The following DOCK9 variants were observed in gnomAD, a reference collection of about 807,000 sequenced individuals.
DOCK9 encodes dedicator of cytokinesis protein 9.
Under a neutral mutation model 263.3 loss-of-function variants are expected in DOCK9, and 89 were observed. The observed-to-expected ratio is 0.34, with a 90% CI of 0.28 to 0.40. The LOEUF is 0.40. DOCK9 is among the 10% of genes least tolerant of loss of function. The pLI is 1.00. For synonymous variants in DOCK9, 976 were observed against 973.1 expected (o/e 1.00, Z -0.06); for missense variants, 2,140 against 2,603.4 (o/e 0.82, Z 3.87).
At chr13:98,983,262 A>G (rs1877646069) in intron 1 of DOCK9, among the ~76,000 whole-genome samples, 1 of 152,236 alleles carries the variant, frequency 6.6e-6, no homozygotes, top group African/African-American at 2.4e-5. Context: ...AATGCAAAAG[A>G]AAACAAATGA....
rs186973861 is a variant in DOCK9 at position 98,921,917 on chromosome 13, G to A, written c.582+134C>T. 15 of 775,846 alleles carry A rather than the reference G, an allele frequency of 1.9e-5. 1 individual carries two copies. The Admixed American group carries it at 3.4e-4, about 18-fold the overall frequency. The allele number at this position is 775,846 out of a possible 1,614,324, so 48.1% of individuals were successfully genotyped here. On this transcript the variant is annotated intron_variant, in intron 6 of 52. Coordinates refer to ENST00000682017, the MANE Select transcript of DOCK9 (RefSeq NM_001366683.2). ...TGCCAATGGGGGTGCTATCACCAGGGGAGCATCCTAGGAATCAGACAATGT... is the reference window on the plus strand; with the variant it reads ...TGCCAATGGGGGTGCTATCACCAGGAGAGCATCCTAGGAATCAGACAATGT...
chr13:99,028,803 G>A (rs960289693), intron 1 of DOCK9, among the ~76,000 whole-genome samples: 5 of 152,186 alleles, frequency 3.3e-5, no homozygotes, highest in Non-Finnish European at 5.9e-5. Flanking sequence ...CTTCATTTGT[G>A]TGAGAATGTT....
chr13:98,818,084 C>G (rs1383480128), intron 45 of DOCK9, among the ~76,000 whole-genome samples: 1 of 152,148 alleles, frequency 6.6e-6, no homozygotes, highest in African/African-American at 2.4e-5. Flanking sequence ...AGATTTTACC[C>G]AATAACAAAC....
In DOCK9 at chr13:99,034,114, T is replaced by A. The variant is rs374267500; in HGVS notation, c.129+52109A>T. Among the ~76,000 whole-genome samples, 248 of 152,182 alleles carry A rather than the reference T, an allele frequency of 1.6e-3. 9 individuals are homozygous for A. In the South Asian group the frequency reaches 0.048, roughly 30 times the overall value. ...AAGCATTCATCTGCTATCCCATACC[T>A]CATATCCAAAATAGCAACACTAGAA... On this transcript the variant is annotated intron_variant, in intron 1 of 32. Coordinates refer to the DOCK9 transcript ENST00000427887.
intron 7 of DOCK9, among the ~76,000 whole-genome samples, 180 bp downstream of exon 7, chr13:98,920,774 A>G (rs2051833922): frequency 1.3e-5 from 2 of 152,244 alleles, no homozygotes; most frequent in Admixed American, 6.5e-5. Context: ...TTCTGCCTCT[A>G]CATTATCCCT....
intron 1 of DOCK9, among the ~76,000 whole-genome samples, chr13:99,027,575 T>C (rs922170382): frequency 3.3e-5 from 5 of 152,180 alleles, no homozygotes; most frequent in African/African-American, 1.2e-4. Flanking sequence ...TTTCAAAGTA[T>C]TGTCACCATG....
intron 49 of DOCK9, among the ~76,000 whole-genome samples, chr13:98,803,639 A>C (rs1312046490): frequency 6.6e-6 from 1 of 152,052 alleles, no homozygotes; most frequent in African/African-American, 2.4e-5. Context: ...GCTGAACCAT[A>C]AACACTGTAA....
chr13:98,958,888 C>T (rs574090847), intron 1 of DOCK9, among the ~76,000 whole-genome samples: 5 of 152,148 alleles, frequency 3.3e-5, no homozygotes, highest in Non-Finnish European at 5.9e-5. Flanking sequence ...ATTCATGGGT[C>T]AGTTTCATGT....
Position 98,805,110 on chromosome 13 carries a change from ACT to A in DOCK9, c.5612_5613del (p.Glu1871ValfsTer2), listed in dbSNP as rs775649615. 1 of 1,611,074 alleles carries A rather than the reference ACT, an allele frequency of 6.2e-7. No individual in the cohort carries two copies. The highest frequency in any genetic ancestry group is 8.5e-7 in the Non-Finnish European group (1 of 1,178,588). On this transcript the variant is annotated frameshift_variant, in exon 49 of 53. Transcript: ENST00000682017. LOFTEE classifies it high-confidence loss of function. ...DEKELQERKT[E>X]FERSHNIRRF... ...CGGCGGATGTTGTGGGATCTCTCAAACTCTGTTTTCCTTTCTTGCAACTCTTT... is the reference window on the plus strand; with the variant it reads ...CGGCGGATGTTGTGGGATCTCTCAAACTGTTTTCCTTTCTTGCAACTCTTT...
At chr13:98,874,367 C>G (rs2094272012) in intron 27 of DOCK9, among the ~76,000 whole-genome samples, 1 of 152,128 alleles carries the variant, frequency 6.6e-6, no homozygotes, top group African/African-American at 2.4e-5. Flanking sequence ...GTGGAGTTAC[C>G]ACAATTTGTG....
intron 1 of DOCK9, among the ~76,000 whole-genome samples, chr13:99,071,378 CATCT>C (rs1298245624): frequency 1.4e-5 from 2 of 143,944 alleles, no homozygotes; most frequent in Non-Finnish European, 1.5e-5. Flanking sequence ...TCAATCCATC[CATCT>C]ACCTTGGCCT....
chr13:98,824,841 G>A (rs1313060362), intron 44 of DOCK9, among the ~76,000 whole-genome samples: 3 of 152,172 alleles, frequency 2.0e-5, no homozygotes, highest in Non-Finnish European at 4.4e-5. Flanking sequence ...GTCTTGGTAG[G>A]ATGACTCGTG....
intron 2 of DOCK9, among the ~76,000 whole-genome samples, chr13:98,936,048 A>G (rs189359652): frequency 6.6e-6 from 1 of 152,328 alleles, no homozygotes; most frequent in East Asian, 1.9e-4. Flanking sequence ...ATGCATATTA[A>G]TAAAATGACA....
intron 38 of DOCK9, among the ~76,000 whole-genome samples, chr13:98,839,066 G>A (rs1193037690): frequency 6.6e-6 from 1 of 152,198 alleles, no homozygotes; most frequent in Non-Finnish European, 1.5e-5. Context: ...AAAAGCTACA[G>A]AAGTGCTTTT....
intron 1 of DOCK9, among the ~76,000 whole-genome samples, chr13:98,996,265 TACCACA>T (rs951201693): frequency 6.6e-6 from 1 of 152,162 alleles, no homozygotes; most frequent in African/African-American, 2.4e-5. Context: ...TGCTCGTAAT[TACCACA>T]ACCCATCCTT....
At chr13:98,863,661 C>G (rs1304335946) in intron 30 of DOCK9, 113 bp from the exon 31 acceptor site, 1 of 1,125,634 alleles carries the variant, frequency 8.9e-7, no homozygotes, top group Middle Eastern at 2.5e-4. Context: ...TTCAGCCCAC[C>G]CTGGGTGTCA....
rs546262984 is a variant in DOCK9, at chr13:98,800,182, G to A, written c.5916+106C>T. 2,853 of 1,222,514 alleles carry A rather than the reference G, an allele frequency of 2.3e-3. 103 individuals carry two copies. The South Asian group carries it at 0.041, about 17-fold the overall frequency. The allele number at this position is 1,222,514 out of a possible 1,614,324, so 75.7% of individuals were successfully genotyped here. On this transcript the variant is annotated intron_variant, in intron 50 of 52. Transcript: ENST00000682017. ...TGGGGGAAGGGAGCAGGGATCACTT[G>A]GTAAACCGAGGCTCTCAAGTAGACC...
intron 30 of DOCK9, 71 bp from the exon 31 acceptor site, chr13:98,863,619 C>CA: frequency 2.0e-5 from 30 of 1,479,758 alleles, no homozygotes; most frequent in South Asian, 6.7e-5. Context: ...AACAAACAAA[C>CA]AAACAAAAAA....
rs781746823 is a variant in DOCK9 at position 98,829,759 on chromosome 13, T to C, written c.4636-3A>G. ...AGCTGGCTGACAGATATGATGACCT[T>C]AGGGACACACAAACATGAGCAAATC... On this transcript the variant is annotated splice_region_variant and splice_polypyrimidine_tract_variant and intron_variant, in intron 41 of 52. Coordinates refer to ENST00000682017, the MANE Select transcript of DOCK9 (RefSeq NM_001366683.2). This position sits in a 1 kb window ranked among gnomAD's most constrained non-coding sequence, Gnocchi z 4.1. 2 of 1,599,302 alleles carry C rather than the reference T, an allele frequency of 1.3e-6. No individual in the cohort carries two copies. The highest frequency in any genetic ancestry group is 1.7e-6 in the Non-Finnish European group (2 of 1,172,122).
Sources: gnomAD v4.1 joint callset for allele counts (sites outside exome capture counted in the v4.1 genomes callset) on GRCh38, gnomAD v4.1.1 for gene constraint, Gnocchi (gnomAD v3.1) non-coding constraint, MANE v1.5 for transcripts, NCBI Gene and HGNC (gene_info 2026-07-23, HGNC 2026-07-21) for gene names.